TEK: variants seen among roughly 807,000 people sequenced by gnomAD.
The protein encoded by TEK is angiopoietin-1 receptor.
In TEK, 43 loss-of-function variants were observed where a neutral mutation model predicts 131.8. The ratio of observed to expected loss-of-function variants is 0.33; its 90% CI spans 0.26 to 0.42. The LOEUF is 0.42. TEK is among the 10% of genes least tolerant of loss of function. TEK has a pLI of 1.00. For missense variants in TEK, 1,162 were observed against 1,384.4 expected (o/e 0.84, Z 2.55); for synonymous variants, 580 against 491.6 (o/e 1.18, Z -2.38).
At chr9:27,144,520 G>C (rs1016839121) in intron 1 of TEK, among the ~76,000 whole-genome samples, 1 of 152,164 alleles carries the variant, frequency 6.6e-6, no homozygotes, top group African/African-American at 2.4e-5. Flanking sequence ...TAGGCCTGCA[G>C]TTTGATAGAG....
At chr9:27,146,003 G>A (rs951851635) in intron 1 of TEK, among the ~76,000 whole-genome samples, 2 of 152,202 alleles carry the variant, frequency 1.3e-5, no homozygotes, top group African/African-American at 2.4e-5. Context: ...AGTTTTATCA[G>A]CAACAGGTAA....
intron 21 of TEK, among the ~76,000 whole-genome samples, chr9:27,223,791 G>A (rs1464017583): frequency 6.6e-6 from 1 of 152,080 alleles, no homozygotes; most frequent in Non-Finnish European, 1.5e-5. Flanking sequence ...AGGAGACAGG[G>A]ACATGAAAAA....
chr9:27,117,078 G>A (rs1009764669), intron 1 of TEK, among the ~76,000 whole-genome samples: 10 of 151,674 alleles, frequency 6.6e-5, no homozygotes, highest in African/African-American at 1.2e-4. Flanking sequence ...TGTTAGCCAG[G>A]ATGGTCTCGA....
chr9:27,112,898 A>T (rs1188166787), intron 1 of TEK, among the ~76,000 whole-genome samples: 1 of 152,232 alleles, frequency 6.6e-6, no homozygotes, highest in Non-Finnish European at 1.5e-5. Flanking sequence ...GTTCTTGTGA[A>T]TGACACCTAG....
chr9:27,167,787 A>G (rs1823786598), intron 2 of TEK, among the ~76,000 whole-genome samples: 1 of 152,166 alleles, frequency 6.6e-6, no homozygotes, highest in African/African-American at 2.4e-5. Flanking sequence ...ACAGCAACAC[A>G]AAAGGACCAG....
At chr9:27,220,212 G>A in intron 21 of TEK, 67 bp downstream of exon 21, 5 of 1,520,994 alleles carry the variant, frequency 3.3e-6, no homozygotes, top group Non-Finnish European at 4.5e-6. Flanking sequence ...GGGGCCAGCT[G>A]ACTCTAGCAA....
intron 1 of TEK, among the ~76,000 whole-genome samples, chr9:27,142,908 G>A (rs1291285563): frequency 1.3e-5 from 2 of 152,152 alleles, no homozygotes; most frequent in Non-Finnish European, 2.9e-5. Flanking sequence ...TAACTAGACT[G>A]TGGAAGTTAC....
chr9:27,185,488 A>G lies in TEK; in HGVS notation c.1186A>G (p.Lys396Glu). The change falls in exon 9 of 23, where the codon AAA becomes GAA. Residue 396 changes from lysine (K) to glutamate (E), a missense_variant. Around this residue, in one of 6 missense-constraint regions of TEK, gnomAD observed 436 missense variants for 539.1 expected, o/e 0.81. Coordinates refer to ENST00000380036, the MANE Select transcript of TEK (RefSeq NM_000459.5). ...VKPDGTVLHPKDFNHTDHFSV... is the reference protein window; with the variant it reads ...VKPDGTVLHPEDFNHTDHFSV... ...TTTTTGTATTTGACCTTTTCAGCCAAAAGACTTTAACCATACGGATCATTT... is the reference window on the plus strand; with the variant it reads ...TTTTTGTATTTGACCTTTTCAGCCAGAAGACTTTAACCATACGGATCATTT... 1.2e-6 allele frequency: 2 copies of G among 1,613,688 alleles called. No individual in the cohort carries two copies. The highest frequency in any genetic ancestry group is 1.1e-5 in the South Asian group (1 of 91,060).
chr9:27,190,407 C>T (rs746988756), intron 9 of TEK, 122 bp from the exon 10 acceptor site: 65 of 1,192,144 alleles, frequency 5.5e-5, no homozygotes, highest in Non-Finnish European at 6.9e-5. Flanking sequence ...CTCACTGAGT[C>T]TGAGCAGAAA....
chr9:27,173,097 C>A (rs1018658260), intron 5 of TEK, 125 bp from the exon 6 acceptor site: 15 of 1,300,606 alleles, frequency 1.2e-5, no homozygotes, highest in Non-Finnish European at 1.6e-5. Context: ...TTCATCCTAC[C>A]ATGCCACAGC....
intron 18 of TEK, 84 bp from the exon 19 acceptor site, chr9:27,217,604 T>C: frequency 8.2e-7 from 1 of 1,217,844 alleles, no homozygotes; most frequent in Middle Eastern, 1.9e-4. Flanking sequence ...CCAGCAATCA[T>C]TTGTGGAGCC....
chr9:27,133,318 G>T (rs1309301700), intron 1 of TEK, among the ~76,000 whole-genome samples: 2 of 152,154 alleles, frequency 1.3e-5, no homozygotes, highest in African/African-American at 4.8e-5. Context: ...TAGTTGGAAA[G>T]GTCTAAGAAT....
At chr9:27,207,394 G>C (rs944807643) in intron 15 of TEK, among the ~76,000 whole-genome samples, 23 of 152,184 alleles carry the variant, frequency 1.5e-4, no homozygotes, top group African/African-American at 5.6e-4. Flanking sequence ...TTCTTAAGTG[G>C]CTTTCTCAAT....
At chr9:27,159,824 C>G (rs1313548178) in intron 2 of TEK, among the ~76,000 whole-genome samples, 1 of 152,054 alleles carries the variant, frequency 6.6e-6, no homozygotes, top group African/African-American at 2.4e-5. Context: ...GTACAGAATT[C>G]CAGCTAAGGT....
intron 1 of TEK, among the ~76,000 whole-genome samples, chr9:27,148,398 A>C (rs1823002924): frequency 6.6e-6 from 1 of 152,254 alleles, no homozygotes; most frequent in Admixed American, 6.5e-5. Context: ...CATAATGGTA[A>C]AACAGCAAAC....
intron 1 of TEK, among the ~76,000 whole-genome samples, chr9:27,121,890 G>C (rs527644242): frequency 6.6e-6 from 1 of 152,164 alleles, no homozygotes; most frequent in African/African-American, 2.4e-5. Flanking sequence ...CATTTTGGGC[G>C]TGTAATTAAT....
Position 27,212,732 on chromosome 9 carries a change from C to T in TEK, c.2712C>T (p.Tyr904=), listed in dbSNP as rs148059950. The change falls in exon 17 of 23, where the codon TAC becomes TAT. Residue 904 remains tyrosine (Y), a synonymous_variant. Transcript: ENST00000380036. ...HRGYLYLAIE[Y]APHGNLLDFL... ...GCTACTTGTACCTGGCCATTGAGTA[C>T]GCGCCCCATGGAAACCTTCTGGACT... 49 of 1,614,072 alleles carry T rather than the reference C, an allele frequency of 3.0e-5. No individual in the cohort carries two copies. The highest frequency in any genetic ancestry group is 3.9e-5 in the Non-Finnish European group (46 of 1,180,006).
chr9:27,160,444 A>T (rs1823507431), intron 2 of TEK, among the ~76,000 whole-genome samples: 1 of 152,160 alleles, frequency 6.6e-6, no homozygotes, highest in East Asian at 1.9e-4. Flanking sequence ...TTAAAGTTGA[A>T]CATGCTTACA....
At chr9:27,213,935 C>G (rs897692490) in intron 18 of TEK, among the ~76,000 whole-genome samples, 1 of 152,172 alleles carries the variant, frequency 6.6e-6, no homozygotes, top group African/African-American at 2.4e-5. Context: ...CTTTCATGCA[C>G]AGCTGACACA....
Sources: allele counts gnomAD v4.1 joint callset (sites outside exome capture counted in the v4.1 genomes callset), GRCh38; gene constraint gnomAD v4.1.1; regional missense constraint gnomAD v4.1.1; transcripts MANE v1.5; gene names NCBI Gene and HGNC (gene_info 2026-07-23, HGNC 2026-07-21).